The following KCNMA1 variants were observed in gnomAD, a reference collection of about 807,000 sequenced individuals.
KCNMA1 encodes the protein Calcium-activated potassium channel subunit alpha-1.
A neutral mutation model predicts 140.0 loss-of-function variants in KCNMA1; 29 were observed. The ratio of observed to expected loss-of-function variants is 0.21; its 90% CI spans 0.15 to 0.28. KCNMA1 has a LOEUF of 0.28. Among genes scored for constraint, KCNMA1 ranks in the 10% least tolerant of loss-of-function variants. KCNMA1 has a pLI of 1.00. For missense variants in KCNMA1, 880 were observed against 1,602.2 expected, an observed-to-expected ratio of 0.55 and a Z score of 7.70; for synonymous variants, 612 against 611.9, an observed-to-expected ratio of 1.00 and a Z score of 0.00.
intron 3 of KCNMA1, among the ~76,000 whole-genome samples, chr10:77,204,783 C>T (rs928095952): frequency 1.3e-5 from 2 of 152,136 alleles, no homozygotes; most frequent in Non-Finnish European, 2.9e-5. Context: ...AAATGTTAAG[C>T]TTTCCCCGTG....
chr10:77,525,681 T>G (rs541120250), intron 1 of KCNMA1, among the ~76,000 whole-genome samples: 52 of 152,364 alleles, frequency 3.4e-4, no homozygotes, highest in South Asian at 3.1e-3. Flanking sequence ...AGATTGTCTC[T>G]AATTTCCCTT....
At chr10:77,601,771 C>T (rs79622915) in intron 1 of KCNMA1, among the ~76,000 whole-genome samples, 1 of 152,276 alleles carries the variant, frequency 6.6e-6, no homozygotes, top group East Asian at 1.9e-4. Flanking sequence ...AACCAGGAAC[C>T]ACATGGACTT....
At chr10:76,993,538 C>T (rs2083351811) in intron 19 of KCNMA1, among the ~76,000 whole-genome samples, 1 of 152,222 alleles carries the variant, frequency 6.6e-6, no homozygotes. Context: ...CTGCAGGGTC[C>T]TGCAGACTAT....
chr10:77,602,988 G>C (rs1330938752), intron 1 of KCNMA1, among the ~76,000 whole-genome samples: 1 of 152,164 alleles, frequency 6.6e-6, no homozygotes, highest in Non-Finnish European at 1.5e-5. Flanking sequence ...AGGGAAGCCG[G>C]GGCTGGCAGG....
chr10:76,910,341 G>A, intron 24 of KCNMA1: 1 of 478,040 alleles, frequency 2.1e-6, no homozygotes, highest in Non-Finnish European at 3.9e-6. Context: ...TCCACGGCAG[G>A]CCACTGGAGG....
chr10:77,405,673 T>A (rs1310737347), intron 1 of KCNMA1, among the ~76,000 whole-genome samples: 1 of 152,252 alleles, frequency 6.6e-6, no homozygotes, highest in African/African-American at 2.4e-5. Flanking sequence ...CAGATGAAGA[T>A]GTTTAAAAAG....
chr10:76,888,316 C>T (rs1378045657), intron 27 of KCNMA1: 1 of 152,270 alleles, frequency 6.6e-6, no homozygotes, highest in Non-Finnish European at 1.5e-5. Context: ...TGAGAACCCA[C>T]TGGTCTATAG....
chr10:76,896,989 C>T (rs546807838), intron 25 of KCNMA1, among the ~76,000 whole-genome samples: 1 of 145,348 alleles, frequency 6.9e-6, no homozygotes, highest in African/African-American at 2.6e-5. Flanking sequence ...TCTAAGGAGC[C>T]ATGAGTATTA....
intron 8 of KCNMA1, among the ~76,000 whole-genome samples, chr10:77,109,235 C>G (rs146735591): frequency 2.6e-5 from 4 of 152,030 alleles, no homozygotes; most frequent in Admixed American, 6.6e-5. Flanking sequence ...GAAATGCTTG[C>G]GTGAATGTAC....
intron 13 of KCNMA1, chr10:77,077,736 G>A (rs2096442047): frequency 6.6e-6 from 1 of 152,172 alleles, no homozygotes; most frequent in Non-Finnish European, 1.5e-5. Context: ...GTTGCTGCAG[G>A]AGCTGTCACT....
intron 14 of KCNMA1, among the ~76,000 whole-genome samples, chr10:77,048,656 C>T (rs551429455): frequency 6.6e-6 from 1 of 152,294 alleles, no homozygotes; most frequent in South Asian, 2.1e-4. Flanking sequence ...CAGAATTTAA[C>T]AAAGCCAACT....
intron 2 of KCNMA1, among the ~76,000 whole-genome samples, chr10:77,265,916 A>C (rs1461957153): frequency 6.6e-6 from 1 of 152,124 alleles, no homozygotes; most frequent in Non-Finnish European, 1.5e-5. Context: ...TCCCATTTCT[A>C]TAAAAAATAC....
At chr10:77,346,820 T>C (rs2092239256) in intron 2 of KCNMA1, among the ~76,000 whole-genome samples, 1 of 152,198 alleles carries the variant, frequency 6.6e-6, no homozygotes, top group Admixed American at 6.5e-5. Flanking sequence ...ATTATACTTC[T>C]GCCATATTCT....
At chr10:77,327,762 T>C (rs2084757798) in intron 2 of KCNMA1, among the ~76,000 whole-genome samples, 1 of 149,958 alleles carries the variant, frequency 6.7e-6, no homozygotes, top group African/African-American at 2.4e-5. Flanking sequence ...ATCTGGGAAA[T>C]AAATAGTAAA....
chr10:77,063,491 G>A (rs1361527498), intron 14 of KCNMA1, among the ~76,000 whole-genome samples: 2 of 152,048 alleles, frequency 1.3e-5, no homozygotes, highest in Non-Finnish European at 2.9e-5. Flanking sequence ...CTGTGCAAAC[G>A]TAAAGTATTA....
At chr10:76,974,625 T>G (rs2076973578) in intron 19 of KCNMA1, 1 of 1,276,240 alleles carries the variant, frequency 7.8e-7, no homozygotes, top group Admixed American at 2.0e-5. Flanking sequence ...TAGTGAAATT[T>G]CTTTTAGAAA....
chr10:77,443,706 C>A (rs1315934430), intron 1 of KCNMA1, among the ~76,000 whole-genome samples: 3 of 152,170 alleles, frequency 2.0e-5, no homozygotes, highest in Non-Finnish European at 1.5e-5. Context: ...AACATCTGAG[C>A]TCCACCTCTA....
At chr10:77,201,950 A>G (rs1198037935) in intron 3 of KCNMA1, among the ~76,000 whole-genome samples, 1 of 152,220 alleles carries the variant, frequency 6.6e-6, no homozygotes, top group Non-Finnish European at 1.5e-5. Flanking sequence ...TAGCACTATC[A>G]TGGGGAAAGC....
chr10:77,506,725 A>AGAGT lies in KCNMA1; in HGVS notation c.379-102703_379-102702insACTC, dbSNP rs1555400735. On this transcript the variant is annotated intron_variant, in intron 1 of 27. Coordinates refer to ENST00000286628, the MANE Select transcript of KCNMA1 (RefSeq NM_001161352.2). ...GATGTTCCGAGAGAGAGAGAGAGAG[A>AGAGT]GTGTGTGTGTGTGTGTTTGTTAGAG... 2.8e-4 allele frequency among the ~76,000 whole-genome samples: 38 copies of AGAGT among 133,676 alleles called. 1 individual carries two copies. In the East Asian group the frequency reaches 7.3e-3, roughly 26 times the overall value. The allele number at this position is 133,676 out of a possible 152,430, so 87.7% of individuals were successfully genotyped here.
Sources: allele counts gnomAD v4.1 joint callset (sites outside exome capture counted in the v4.1 genomes callset), GRCh38; gene constraint gnomAD v4.1.1; transcripts MANE v1.5; gene names NCBI Gene and HGNC (gene_info 2026-07-23, HGNC 2026-07-21).